RNF157: variants seen among roughly 807,000 people sequenced by gnomAD.
The protein encoded by RNF157 is E3 ubiquitin ligase RNF157.
RNF157 carries 55 observed loss-of-function variants against 88.3 expected under a neutral mutation model. That is an observed-to-expected ratio of 0.62 (90% CI 0.50 to 0.78). The LOEUF is 0.78. Among genes scored for constraint, RNF157 ranks in the 30% least tolerant of loss-of-function variants. The pLI is 0.00. For missense variants in RNF157, 788 were observed against 860.8 expected (o/e 0.92, Z 1.06); for synonymous variants, 334 against 341.2 (o/e 0.98, Z 0.23).
intron 1 of RNF157, among the ~76,000 whole-genome samples, chr17:76,226,967 A>G (rs2070100606): frequency 6.6e-6 from 1 of 152,216 alleles, no homozygotes; most frequent in Admixed American, 6.5e-5. Flanking sequence ...GCAAAGGCCA[A>G]TGCTGCCGCA....
Position 76,161,822 on chromosome 17 carries a change from C to A in RNF157, c.952+21G>T. The A allele has an allele frequency of 6.2e-7, 1 of 1,609,668 alleles. No individual in the cohort carries two copies. The highest frequency in any genetic ancestry group is 8.5e-7 in the Non-Finnish European group (1 of 1,176,698). ...TGTCCCCTCTCCCACCCACCAGTCC[C>A]CCTGCCGCTCTGGGGCTTACGCAGT... On this transcript the variant is annotated intron_variant, in intron 10 of 18. Transcript: ENST00000269391. The surrounding 1 kb of genome is among the most constrained non-coding windows in gnomAD (Gnocchi z 4.6).
chr17:76,169,665 T>C (rs1256034145), intron 3 of RNF157, among the ~76,000 whole-genome samples: 4 of 151,128 alleles, frequency 2.6e-5, no homozygotes, highest in Non-Finnish European at 5.9e-5. Flanking sequence ...TTGCAACCTC[T>C]GCCTCCTGGA....
chr17:76,202,769 C>T (rs991180601), intron 2 of RNF157: 1 of 153,974 alleles, frequency 6.5e-6, no homozygotes, highest in African/African-American at 2.4e-5. Context: ...ATCATCAGCC[C>T]TGGGGCCTTC....
intron 18 of RNF157, 39 bp downstream of exon 18, chr17:76,152,316 G>A (rs1489783812): frequency 5.5e-6 from 7 of 1,277,416 alleles, no homozygotes; most frequent in East Asian, 4.6e-5. Context: ...CACAGGGATC[G>A]TCTCCCACCA....
chr17:76,216,521 A>G (rs2069890991), intron 1 of RNF157, among the ~76,000 whole-genome samples: 1 of 152,186 alleles, frequency 6.6e-6, no homozygotes, highest in African/African-American at 2.4e-5. Flanking sequence ...CCAAGGTGAG[A>G]GGATCACTTG....
chr17:76,159,689 G>A, intron 11 of RNF157, 116 bp from the exon 12 acceptor site: 2 of 745,832 alleles, frequency 2.7e-6, no homozygotes, highest in Non-Finnish European at 4.6e-6. Flanking sequence ...GGGGGGGTCT[G>A]GTAAGAACAA....
chr17:76,212,384 G>C lies in RNF157; in HGVS notation c.187C>G (p.Leu63Val), dbSNP rs1365064405. The change falls in exon 2 of 19, where the codon CTG (leucine) becomes GTG (valine). Residue 63 changes from leucine to valine, a missense_variant. By Grantham distance (32) the Leu-to-Val change is conservative (BLOSUM62 1). Transcript: ENST00000269391. ...CATACCACAACTGGTCTGTTCCCCA[G>C]AAAGTTCAGATCGCTGTTCTCTCCA... is the stretch of plus-strand genomic sequence containing the variant. The part of the protein sequence containing the change: ...LFGENSDLNF[L>V]GNRPVVFPYA... 1.9e-6 allele frequency: 3 copies of C among 1,612,552 alleles called. No individual in the cohort carries two copies. The highest frequency in any genetic ancestry group is 8.5e-7 in the Non-Finnish European group (1 of 1,178,690).
rs1474977138 is a variant in RNF157 at position 76,167,758 on chromosome 17, A to T, written c.336T>A (p.Ser112Arg). The T allele has an allele frequency of 6.2e-7, 1 of 1,614,186 alleles. No individual in the cohort carries two copies. Among genetic ancestry groups the T allele is most frequent in the East Asian group, 2.2e-5 (1 of 44,890 alleles). ...EEVKSPGEEA[S>R]KAKVHYNVEF... ...CAACATTGTAGTGGACTTTAGCTTT[A>T]CTGGCCTCTTCTCCAGGGCTCTTCA... The change falls in exon 4 of 19, where the codon AGT becomes AGA. Residue 112 changes from serine to arginine, a missense_variant. Ser to Arg is a moderately radical substitution (Grantham distance 110). Transcript: ENST00000269391.
chr17:76,164,683 G>T, intron 8 of RNF157, 65 bp downstream of exon 8: 3 of 925,624 alleles, frequency 3.2e-6, no homozygotes, highest in Admixed American at 2.4e-5. Context: ...GAGAGAAGAA[G>T]AAAGGAAAGA....
chr17:76,161,954 G>C lies in RNF157; in HGVS notation c.841C>G (p.Leu281Val). 1 of 1,614,186 alleles carries C rather than the reference G, an allele frequency of 6.2e-7. No individual in the cohort carries two copies. Among genetic ancestry groups the C allele is most frequent in the Non-Finnish European group, 8.5e-7 (1 of 1,180,040 alleles). ...SDNSAECVVC[L>V]SDVRDTLILP... ...ATCAAGGTGTCCCGGACATCCGAGA[G>C]ACACACCACACACTCGGCACTGTTA... is the stretch of plus-strand genomic sequence containing the variant. Residue 281 changes from leucine to valine, a missense_variant, in exon 10 of 19, where the codon CTC becomes GTC. Transcript: ENST00000269391. This position sits in a 1 kb window ranked among gnomAD's most constrained non-coding sequence, Gnocchi z 4.6.
At position 76,161,624 on chromosome 17, in the gene RNF157, G is replaced by C; in HGVS notation, c.976C>G (p.Arg326Gly). ...RLPFRALLQI[R>G]AMRKKLGPLS... is the part of the protein sequence containing the mutation. ...GGGCCCAATTTTTTCCTCATGGCTC[G>C]GATCTGAAGCAGTGCCCGGAAGGCT... The change falls in exon 11 of 19, where the codon CGA becomes GGA. Residue 326 changes from arginine (R) to glycine (G), a missense_variant. Physicochemically the swap from Arg to Gly is moderately radical, Grantham distance 125. Transcript: ENST00000269391. This position sits in a 1 kb window ranked among gnomAD's most constrained non-coding sequence, Gnocchi z 4.6. 1.9e-6 allele frequency: 3 copies of C among 1,614,068 alleles called. No homozygotes were observed. The highest frequency in any genetic ancestry group is 2.5e-6 in the Non-Finnish European group (3 of 1,179,984).
At chr17:76,186,940 A>AAAATAAATAAATAAAT (rs201615839) in intron 2 of RNF157, among the ~76,000 whole-genome samples, 23 of 140,898 alleles carry the variant, frequency 1.6e-4, no homozygotes, top group African/African-American at 5.8e-4. Context: ...ACTCCGACTC[A>AAAATAAATAAATAAAT]AAATAAATAA....
intron 1 of RNF157, among the ~76,000 whole-genome samples, chr17:76,232,140 T>A (rs764759788): frequency 6.6e-6 from 1 of 152,106 alleles, no homozygotes; most frequent in Non-Finnish European, 1.5e-5. Flanking sequence ...TCCTGCACTT[T>A]GAGAGGCCGA....
At chr17:76,190,530 G>C (rs1238993693) in intron 2 of RNF157, among the ~76,000 whole-genome samples, 1 of 150,218 alleles carries the variant, frequency 6.7e-6, no homozygotes, top group Non-Finnish European at 1.5e-5. Context: ...TGAGTCCAGG[G>C]AAGTCAAAGC....
In RNF157 at chr17:76,167,673, C is replaced by A. The variant is rs966871493; in HGVS notation, c.421G>T (p.Glu141Ter). 1 of 1,614,172 alleles carries A rather than the reference C, an allele frequency of 6.2e-7. No individual in the cohort carries two copies. Among genetic ancestry groups the A allele is most frequent in the Non-Finnish European group, 8.5e-7 (1 of 1,180,026 alleles). The change falls in exon 4 of 19, where the codon GAG becomes TAG. Residue 141 changes from glutamate (E) to a stop codon, truncating the protein, a stop_gained. Coordinates refer to ENST00000269391, the MANE Select transcript of RNF157 (RefSeq NM_052916.3). LOFTEE classifies it high-confidence loss of function. ...TACCTGGCAATACCATTCTGGAACTCTTCCGTGGCCTGGTAATAGATGGTG... is the reference window on the plus strand; with the variant it reads ...TACCTGGCAATACCATTCTGGAACTATTCCGTGGCCTGGTAATAGATGGTG... ...AITIYYQATE[E>*]FQNGIASYIP...
Position 76,167,721 on chromosome 17 carries a change from C to T in RNF157, c.373G>A (p.Asp125Asn). The T allele has an allele frequency of 6.2e-7, 1 of 1,614,188 alleles. No homozygotes were observed. The highest frequency in any genetic ancestry group is 2.2e-5 in the East Asian group (1 of 44,886). The change falls in exon 4 of 19, where the codon GAC becomes AAC. Residue 125 changes from aspartate (D) to asparagine (N), a missense_variant. Coordinates refer to ENST00000269391, the MANE Select transcript of RNF157 (RefSeq NM_052916.3). ...GTGATGGCTACCCGAGCATCTGTGT[C>T]AAAGGTGAACTCAACATTGTAGTGG... Reference protein sequence around the residue: ...KVHYNVEFTFDTDARVAITIY... With the variant: ...KVHYNVEFTFNTDARVAITIY...
At chr17:76,165,965 A>G (rs2068917656) in intron 6 of RNF157, among the ~76,000 whole-genome samples, 1 of 151,596 alleles carries the variant, frequency 6.6e-6, no homozygotes, top group African/African-American at 2.4e-5. Flanking sequence ...GGGATGAGCC[A>G]CTACGCCCAG....
At chr17:76,217,971 A>G (rs1476025533) in intron 1 of RNF157, among the ~76,000 whole-genome samples, 1 of 152,246 alleles carries the variant, frequency 6.6e-6, no homozygotes, top group Non-Finnish European at 1.5e-5. Context: ...TTTTAGTTTT[A>G]TAAAATAAAA....
intron 8 of RNF157, 42 bp from the exon 9 acceptor site, chr17:76,162,665 C>T: frequency 7.0e-7 from 1 of 1,426,348 alleles, no homozygotes; most frequent in Non-Finnish European, 9.7e-7. Context: ...GCTGTCTCTA[C>T]TGAGAGACAA....
Sources: gnomAD v4.1 joint callset for allele counts (sites outside exome capture counted in the v4.1 genomes callset) on GRCh38, gnomAD v4.1.1 for gene constraint, Gnocchi (gnomAD v3.1) non-coding constraint, MANE v1.5 for transcripts, NCBI Gene and HGNC (gene_info 2026-07-23, HGNC 2026-07-21) for gene names.